Variants in TLE3 observed in about 807,000 individuals in gnomAD.
TLE3 encodes the protein TLE family member 3, transcriptional corepressor.
In TLE3, 14 loss-of-function variants were observed where a neutral mutation model predicts 93.0. The observed-to-expected ratio is 0.15, with a 90% CI of 0.10 to 0.24. TLE3 has a LOEUF of 0.24. Among genes scored for constraint, TLE3 ranks in the 10% least tolerant of loss-of-function variants. The pLI is 1.00. For missense variants in TLE3, 693 were observed against 1,046.6 expected (o/e 0.66, Z 4.66); for synonymous variants, 451 against 425.0 (o/e 1.06, Z -0.75).
intron 3 of TLE3, 55 bp downstream of exon 3, chr15:70,095,523 C>A: frequency 6.5e-7 from 1 of 1,546,656 alleles, no homozygotes; most frequent in Non-Finnish European, 8.7e-7. Flanking sequence ...CCACGCCGCG[C>A]CCCCGGCCGG....
At chr15:70,079,923 T>TTTGA (rs1403883979) in intron 4 of TLE3, among the ~76,000 whole-genome samples, 1 of 152,158 alleles carries the variant, frequency 6.6e-6, no homozygotes, top group Non-Finnish European at 1.5e-5. Flanking sequence ...AATTTTGACA[T>TTTGA]TTCAAGAGAG....
At position 70,053,368 on chromosome 15, in the gene TLE3, G is replaced by A. The variant is rs1391967021; in HGVS notation, c.1833C>T (p.Phe611=). 3.1e-6 allele frequency: 5 copies of A among 1,602,710 alleles called. No individual in the cohort carries two copies. Among genetic ancestry groups the A allele is most frequent in the African/African-American group, 2.7e-5 (2 of 74,734 alleles). ...DLHNQTLVRQ[F]QGHTDGASCI... is the part of the protein sequence containing the mutation. ...AGCTGGCCCCATCTGTGTGGCCCTG[G>A]AACTGCCTACGAAAGCCAAGCAGGG... The change falls in exon 17 of 20, where the codon TTC becomes TTT. Residue 611 remains phenylalanine (F), a synonymous_variant. Transcript: ENST00000451782.
chr15:70,056,331 G>C lies in TLE3; in HGVS notation c.1295C>G (p.Pro432Arg). 1 of 1,613,708 alleles carries C rather than the reference G, an allele frequency of 6.2e-7. No homozygotes were observed. Among genetic ancestry groups the C allele is most frequent in the South Asian group, 1.1e-5 (1 of 91,084 alleles). The stretch of plus-strand genomic sequence containing the variant: ...TCCAGGAATGGAGGCCAGGCTTGAG[G>C]GGAGGCCTGTGGCCCGCATCGGGGG... Reference protein sequence around the residue: ...PHPPMRATGLPSSLASIPGGK... With the variant: ...PHPPMRATGLRSSLASIPGGK... The change falls in exon 14 of 20, where the codon CCC (proline) becomes CGC (arginine). Residue 432 changes from proline (P) to arginine (R), a missense_variant. By Grantham distance (103) the Pro-to-Arg change is moderately radical (BLOSUM62 -2). Transcript: ENST00000451782.
Position 70,079,164 on chromosome 15 carries a change from T to C in TLE3, c.235-3006A>G, listed in dbSNP as rs143647755. 2.6e-3 allele frequency among the ~76,000 whole-genome samples: 393 copies of C among 151,998 alleles called. 2 individuals carry two copies. The highest frequency in any genetic ancestry group is 0.011 in the South Asian group (51 of 4,816). ...TCTCATTCTCACCCCTCCACCCTCC[T>C]AAAGTAGTTCCTGCCTCCCAACACC... is the stretch of plus-strand genomic sequence containing the variant. On this transcript the variant is annotated intron_variant, in intron 4 of 19. Coordinates refer to ENST00000451782, the MANE Select transcript of TLE3 (RefSeq NM_001105192.3).
Position 70,057,443 on chromosome 15 carries a change from C to T in TLE3, c.1251+16G>A. On this transcript the variant is annotated intron_variant, in intron 13 of 19. Transcript: ENST00000451782. The stretch of plus-strand genomic sequence containing the variant: ...CACGCCCAGTCCCCAAGAAAGGAGC[C>T]AAAAGGTCTACGTACAGCTCCAAAG... The T allele has an allele frequency of 6.3e-7, 1 of 1,581,622 alleles. No homozygotes were observed. Among genetic ancestry groups the T allele is most frequent in the Non-Finnish European group, 8.6e-7 (1 of 1,163,364 alleles).
chr15:70,055,231 C>T lies in TLE3; in HGVS notation c.1396G>A (p.Ala466Thr), dbSNP rs1251723853. ...QPVPFPHDAL[A>T]GPGIPRHARQ... is the part of the protein sequence containing the mutation. ...GCGTGCCTCGGGATGCCGGGGCCTG[C>T]CAGGGCGTCGTGGGGGAAGGGCACG... is the stretch of plus-strand genomic sequence containing the variant. Residue 466 changes from alanine to threonine, a missense_variant, in exon 15 of 20, where the codon GCA becomes ACA. By Grantham distance (58) the Ala-to-Thr change is moderately conservative. Transcript: ENST00000451782. The T allele has an allele frequency of 4.3e-6, 7 of 1,612,608 alleles. No homozygotes were observed. The East Asian group carries it at 1.3e-4, about 31-fold the overall frequency.
intron 15 of TLE3, 32 bp from the exon 16 acceptor site, chr15:70,054,717 C>T (rs1259231369): frequency 6.5e-7 from 1 of 1,532,128 alleles, no homozygotes; most frequent in Non-Finnish European, 8.8e-7. Flanking sequence ...CTGAGTGCTG[C>T]CTACTTCCCC....
At chr15:70,074,699 GC>G in intron 5 of TLE3, 92 bp from the exon 6 acceptor site, 2 of 1,078,574 alleles carry the variant, frequency 1.9e-6, no homozygotes, top group Non-Finnish European at 2.6e-6. Context: ...TCTCGGAGAG[GC>G]CCAGAGCAGA....
At chr15:70,065,969 G>GGCC in intron 7 of TLE3, 45 bp downstream of exon 7, 29 of 1,294,374 alleles carry the variant, frequency 2.2e-5, no homozygotes, top group Non-Finnish European at 3.1e-5. Flanking sequence ...GAGCGCCCAT[G>GGCC]CCCACCCCTG....
At chr15:70,072,260 C>A (rs1453865977) in intron 6 of TLE3, among the ~76,000 whole-genome samples, 1 of 152,182 alleles carries the variant, frequency 6.6e-6, no homozygotes, top group African/African-American at 2.4e-5. Flanking sequence ...CAGTGCTTCT[C>A]CCCCAGTTTT....
intron 6 of TLE3, among the ~76,000 whole-genome samples, chr15:70,074,239 C>T (rs1055126786): frequency 6.6e-6 from 1 of 152,198 alleles, no homozygotes; most frequent in African/African-American, 2.4e-5. Context: ...TAGGCCCCCA[C>T]CCTCCTCAAT....
intron 14 of TLE3, chr15:70,055,902 G>T (rs558566177): frequency 3.0e-6 from 1 of 338,020 alleles, no homozygotes; most frequent in Non-Finnish European, 5.6e-6. Context: ...CCCTCCAGGG[G>T]AGGGAAGCAC....
At position 70,074,491 on chromosome 15, in the gene TLE3, G is replaced by A. The variant is rs778073551; in HGVS notation, c.372+42C>T. On this transcript the variant is annotated intron_variant, in intron 6 of 19. Coordinates refer to ENST00000451782, the MANE Select transcript of TLE3 (RefSeq NM_001105192.3). ...TTATGATAAATGAGAGGAATAAAAG[G>A]GCTATACACACGGTAAGAGGCAGAT... 1.3e-5 allele frequency: 20 copies of A among 1,590,250 alleles called. 1 individual carries two copies. The highest frequency in any genetic ancestry group is 1.7e-5 in the Non-Finnish European group (20 of 1,166,782).
intron 9 of TLE3, 56 bp downstream of exon 9, chr15:70,060,474 C>A: frequency 1.2e-6 from 2 of 1,605,386 alleles, no homozygotes; most frequent in South Asian, 2.2e-5. Flanking sequence ...GCCCTGCAGA[C>A]ACCCCCTGCC....
chr15:70,077,039 T>C (rs11630316), intron 4 of TLE3, among the ~76,000 whole-genome samples: 37,933 of 152,144 alleles, frequency 0.25, 5,864 homozygotes, highest in Admixed American at 0.38. Context: ...TTTTAGGATA[T>C]AGCATTGCCT....
chr15:70,053,017 G>T (rs4777225), intron 17 of TLE3: 228,493 of 561,364 alleles, frequency 0.41, 48,618 homozygotes, highest in Middle Eastern at 0.57. Context: ...AATTTCCACA[G>T]TTGGGCCAAA....
chr15:70,055,315 C>T lies in TLE3; in HGVS notation c.1329-17G>A. ...GAGTACGCTCTGAAAAGGTGAGAAA[C>T]CGTCACTGCTGCCATCCACCCCGGC... On this transcript the variant is annotated splice_polypyrimidine_tract_variant and intron_variant, in intron 14 of 19. Transcript: ENST00000451782. 1 of 1,548,964 alleles carries T rather than the reference C, an allele frequency of 6.5e-7. No homozygotes were observed. Among genetic ancestry groups the T allele is most frequent in the Non-Finnish European group, 8.7e-7 (1 of 1,148,384 alleles).
rs182401459 is a variant in TLE3 at position 70,051,716 on chromosome 15, A to G, written c.2126-249T>C. On this transcript the variant is annotated intron_variant, in intron 18 of 19. Transcript: ENST00000451782. ...GTAGGATTTGAAGTTCATTGCAGTG[A>G]TAACGCTGCCTCAAAAGATTCTTGT... Among the ~76,000 whole-genome samples the G allele has an allele frequency of 3.9e-5, 6 of 152,326 alleles. No homozygotes were observed. In the East Asian group the frequency reaches 5.8e-4, roughly 15 times the overall value.
chr15:70,077,733 C>T (rs935431223), intron 4 of TLE3, among the ~76,000 whole-genome samples: 2 of 152,262 alleles, frequency 1.3e-5, no homozygotes, highest in Middle Eastern at 3.2e-3. Context: ...TCAGGAATCA[C>T]TGCTGTCAGC....
Sources: gnomAD v4.1 joint callset for allele counts (sites outside exome capture counted in the v4.1 genomes callset) on GRCh38, gnomAD v4.1.1 for gene constraint, MANE v1.5 for transcripts, NCBI Gene and HGNC (gene_info 2026-07-23, HGNC 2026-07-21) for gene names.